Variants in CTU2 observed in about 807,000 individuals in gnomAD.
CTU2 encodes the protein cytoplasmic tRNA 2-thiolation protein 2.
In CTU2, 80 loss-of-function variants were observed where a neutral mutation model predicts 64.1. The observed-to-expected ratio is 1.25, with a 90% CI of 1.04 to 1.50. CTU2 has a LOEUF of 1.50. Ranked by LOEUF, CTU2 falls within the 40% of genes most tolerant of loss-of-function variation. The pLI is 0.00. For synonymous variants in CTU2, 482 were observed against 285.3 expected (o/e 1.69, Z -6.95); for missense variants, 1,110 against 690.2 (o/e 1.61, Z -6.81).
Position 88,707,137 on chromosome 16 carries a change from C to T in CTU2, c.70C>T (p.Arg24Cys), listed in dbSNP as rs372179688. The change falls in exon 2 of 15, where the codon CGT becomes TGT. Residue 24 changes from arginine to cysteine, a missense_variant and splice_region_variant. Transcript: ENST00000453996. ...TTCTCCCCCCTCCCATCTCCAAAGC[C>T]GTGAGCAGAAGTGTGTGAAGTGCAA... ...EEPPPAPRPS[R>C]EQKCVKCKEA... is the part of the protein sequence containing the mutation. 74 of 1,613,626 alleles carry T rather than the reference C, an allele frequency of 4.6e-5. No individual in the cohort carries two copies. Among genetic ancestry groups the T allele is most frequent in the East Asian group, 1.1e-4 (5 of 44,886 alleles).
Position 88,712,747 on chromosome 16 carries a change from T to G in CTU2, c.579T>G (p.Gly193=), listed in dbSNP as rs1911441662. The G allele has an allele frequency of 6.2e-7, 1 of 1,608,682 alleles. No homozygotes were observed. The highest frequency in any genetic ancestry group is 2.2e-5 in the East Asian group (1 of 44,818). ...AGCATGTGCTGGGGGCCGGGGGTGG[T>G]CCTGGCCCGACTCAAGGGGAGGAAC... ...QQQHVLGAGG[G]PGPTQGEEQP... is the part of the protein sequence containing the mutation. The change falls in exon 7 of 15, where the codon GGT becomes GGG. Residue 193 remains glycine (G), a synonymous_variant. Transcript: ENST00000453996.
At chr16:88,711,730 C>T in intron 5 of CTU2, 35 bp downstream of exon 5, 1 of 1,581,102 alleles carries the variant, frequency 6.3e-7, no homozygotes, top group Non-Finnish European at 8.6e-7. Flanking sequence ...AGTCCCTGGC[C>T]ACTTGGGGTA....
At chr16:88,709,663 G>A (rs894624011) in intron 2 of CTU2, 2 of 472,888 alleles carry the variant, frequency 4.2e-6, no homozygotes, top group African/African-American at 2.0e-5. Flanking sequence ...AGGGGTGCCG[G>A]GGCTCTGCCC....
intron 6 of CTU2, 105 bp from the exon 7 acceptor site, chr16:88,712,517 T>TGCCCCA (rs1911413750): frequency 1.3e-6 from 2 of 1,499,180 alleles, no homozygotes; most frequent in Non-Finnish European, 1.8e-6. Context: ...CACCTGCCCG[T>TGCCCCA]GCCCCAGCCT....
chr16:88,706,819 C>G, intron 1 of CTU2: 1 of 530,514 alleles, frequency 1.9e-6, no homozygotes, highest in South Asian at 2.7e-5. Flanking sequence ...GGGGACGGCT[C>G]TGCCGCTGAC....
rs780779875 is a variant in CTU2 at position 88,714,735 on chromosome 16, G to C, written c.1350G>C (p.Arg450Ser). ...WAQRCGQGAC[R>S]REDPQACIEE... ...AGCGCTGTGGCCAGGGGGCCTGCAG[G>C]AGGTGAGTCCCTGTCCCTGCCACCC... The change falls in exon 12 of 15, where the codon AGG becomes AGC. Residue 450 changes from arginine to serine, a missense_variant and splice_region_variant. Coordinates refer to ENST00000453996, the MANE Select transcript of CTU2 (RefSeq NM_001012759.3). 3.7e-6 allele frequency: 6 copies of C among 1,607,332 alleles called. No individual in the cohort carries two copies. The highest frequency in any genetic ancestry group is 2.7e-5 in the African/African-American group (2 of 74,792).
Position 88,707,169 on chromosome 16 carries a change from G to A in CTU2, c.102G>A (p.Ala34=), listed in dbSNP as rs2142700438. ...REQKCVKCKE[A]QPVVVIRAGD... ...AGAAGTGTGTGAAGTGCAAGGAAGCGCAGCCCGTTGTGGTGATACGAGCCG... is the reference window on the plus strand; with the variant it reads ...AGAAGTGTGTGAAGTGCAAGGAAGCACAGCCCGTTGTGGTGATACGAGCCG... Residue 34 remains alanine, a synonymous_variant, in exon 2 of 15, where the codon GCG becomes GCA. Coordinates refer to ENST00000453996, the MANE Select transcript of CTU2 (RefSeq NM_001012759.3). The A allele has an allele frequency of 6.2e-7, 1 of 1,613,954 alleles. No homozygotes were observed. The highest frequency in any genetic ancestry group is 8.5e-7 in the Non-Finnish European group (1 of 1,179,980).
chr16:88,710,188 G>T, intron 3 of CTU2, 35 bp from the exon 4 acceptor site: 2 of 1,613,120 alleles, frequency 1.2e-6, no homozygotes, highest in African/African-American at 1.3e-5. Context: ...TGTGTTGGAG[G>T]TGCGGTGCCC....
Position 88,714,636 on chromosome 16 carries a change from G to A in CTU2, c.1251G>A (p.Met417Ile), listed in dbSNP as rs374287518. The A allele has an allele frequency of 1.1e-5, 17 of 1,612,500 alleles. No homozygotes were observed. In the African/African-American group the frequency reaches 2.0e-4, roughly 19 times the overall value. ...AGACCTCCTCGCGTCTCTCCCAGAT[G>A]CAGTCACCCATCCCCCTGACTGAGA... ...GAQTSSRLSQ[M>I]QSPIPLTETR... Residue 417 changes from methionine to isoleucine, a missense_variant, in exon 12 of 15, where the codon ATG becomes ATA. Transcript: ENST00000453996.
rs767105096 is a variant in CTU2, at chr16:88,715,299, A to T, written c.*48A>T. 1.9e-6 allele frequency: 3 copies of T among 1,586,564 alleles called. No individual in the cohort carries two copies. The South Asian group carries it at 3.3e-5, about 18-fold the overall frequency. On this transcript the variant is annotated 3_prime_UTR_variant, in exon 15 of 15. Coordinates refer to ENST00000453996, the MANE Select transcript of CTU2 (RefSeq NM_001012759.3). Reference sequence around the variant, plus strand: ...ACAGCAGGCAGTGGCCACCTGGTACACCACACTGGAGCCGGAAGGCAAGGA... The same window carrying T: ...ACAGCAGGCAGTGGCCACCTGGTACTCCACACTGGAGCCGGAAGGCAAGGA...
Position 88,713,630 on chromosome 16 carries a change from GC to G in CTU2, c.874-13del. 6.2e-7 allele frequency: 1 copy of G among 1,609,766 alleles called. No individual in the cohort carries two copies. The highest frequency in any genetic ancestry group is 8.5e-7 in the Non-Finnish European group (1 of 1,178,178). ...TTCGGGCCTTGACCTGGACCACACAGCCCCTGCCTCCCGCAGGGCTTCTCGG... is the reference window on the plus strand; with the variant it reads ...TTCGGGCCTTGACCTGGACCACACAGCCCTGCCTCCCGCAGGGCTTCTCGG... On this transcript the variant is annotated splice_polypyrimidine_tract_variant and intron_variant, in intron 8 of 14. Transcript: ENST00000453996.
At chr16:88,706,663 G>T in intron 1 of CTU2, 65 bp downstream of exon 1, 1 of 1,221,402 alleles carries the variant, frequency 8.2e-7, no homozygotes, top group Non-Finnish European at 1.1e-6. Flanking sequence ...CTGCCCCGAA[G>T]GGTCCCGGCC....
intron 2 of CTU2, 50 bp from the exon 3 acceptor site, chr16:88,709,888 C>A (rs749292501): frequency 2.0e-6 from 3 of 1,529,414 alleles, no homozygotes; most frequent in Non-Finnish European, 2.7e-6. Context: ...CAGGACGCTG[C>A]TCACTGTGCG....
In CTU2 at chr16:88,712,220, C is replaced by T. The variant is rs1298293181; in HGVS notation, c.344-54C>T. 6.1e-6 allele frequency: 9 copies of T among 1,478,320 alleles called. No individual in the cohort carries two copies. The South Asian group carries it at 7.2e-5, about 12-fold the overall frequency. The allele number at this position is 1,478,320 out of a possible 1,614,324, so 91.6% of individuals were successfully genotyped here. On this transcript the variant is annotated intron_variant, in intron 5 of 14. Transcript: ENST00000453996. ...TCCCAGGTGGAGGTGGCCCTGCAGC[C>T]TGCCCTGCCTGGCTCCTCTCTGAGC...
intron 13 of CTU2, 29 bp downstream of exon 13, chr16:88,714,955 G>T: frequency 6.2e-7 from 1 of 1,607,596 alleles, no homozygotes; most frequent in Non-Finnish European, 8.5e-7. Flanking sequence ...GTCCTGGGCC[G>T]GGCTTGGGGA....
rs1028786147 is a variant in CTU2 at position 88,706,534 on chromosome 16, T to G, written c.4T>G (p.Cys2Gly). The G allele has an allele frequency of 6.9e-7, 1 of 1,454,958 alleles. No homozygotes were observed. The highest frequency in any genetic ancestry group is 9.0e-7 in the Non-Finnish European group (1 of 1,110,500). 90.1% of individuals were successfully genotyped at this position (1,454,958 alleles called of 1,614,324 possible). A position where few individuals can be genotyped will look rare whatever the true frequency, so the allele number is the denominator to read the frequency against. Residue 2 changes from cysteine (C) to glycine (G), a missense_variant, in exon 1 of 15, where the codon TGT (cysteine) becomes GGT (glycine). Transcript: ENST00000453996. ...TGCGACGGGACCCGGCGTGCCCATG[T>G]GTCAGGTGGGCGAGGACTACGGGGA... MCQVGEDYGEPA... is the reference protein window; with the variant it reads MGQVGEDYGEPA...
At position 88,715,244 on chromosome 16, in the gene CTU2, A is replaced by G. The variant is rs756839226; in HGVS notation, c.1541A>G (p.Gln514Arg). 3.1e-6 allele frequency: 5 copies of G among 1,611,652 alleles called. No homozygotes were observed. The highest frequency in any genetic ancestry group is 1.1e-5 in the South Asian group (1 of 91,086). Reference protein sequence around the residue: ...LIEDSDDEAGQS With the variant: ...LIEDSDDEAGRS ...GAGGACAGTGACGACGAGGCGGGCC[A>G]GAGCTGAGCGTGAGGACGTGCTTGC... Residue 514 changes from glutamine (Q) to arginine (R), a missense_variant, in exon 15 of 15, where the codon CAG (glutamine) becomes CGG (arginine). Physicochemically the swap from Gln to Arg is conservative, Grantham distance 43. Coordinates refer to ENST00000453996, the MANE Select transcript of CTU2 (RefSeq NM_001012759.3).
At chr16:88,706,961 G>A (rs1178863985) in intron 1 of CTU2, 175 bp from the exon 2 acceptor site, 2 of 649,834 alleles carry the variant, frequency 3.1e-6, no homozygotes, top group African/African-American at 3.6e-5. Flanking sequence ...TCCCCCCAGA[G>A]CCTTTGTTTT....
At chr16:88,708,645 C>A (rs1335564854) in intron 2 of CTU2, among the ~76,000 whole-genome samples, 1 of 152,162 alleles carries the variant, frequency 6.6e-6, no homozygotes, top group African/African-American at 2.4e-5. Context: ...GCTTTACTGT[C>A]TGTAAAGGAA....
Sources: allele counts gnomAD v4.1 joint callset (sites outside exome capture counted in the v4.1 genomes callset), GRCh38; gene constraint gnomAD v4.1.1; transcripts MANE v1.5; gene names NCBI Gene and HGNC (gene_info 2026-07-23, HGNC 2026-07-21).